KIRREL3: variants seen among roughly 807,000 people sequenced by gnomAD.
The protein encoded by KIRREL3 is kin of IRRE-like protein 3.
KIRREL3 carries 36 observed loss-of-function variants against 89.7 expected under a neutral mutation model. The ratio of observed to expected loss-of-function variants is 0.40; its 90% CI spans 0.31 to 0.53. The LOEUF (loss-of-function observed/expected upper bound fraction) is 0.53, where lower values mean the gene tolerates loss of function less well. Among genes scored for constraint, KIRREL3 ranks in the 20% least tolerant of loss-of-function variants. KIRREL3 has a pLI of 0.49. For missense variants in KIRREL3, 864 were observed against 1,056.6 expected, an observed-to-expected ratio of 0.82 and a Z score of 2.53; for synonymous variants, 445 against 441.4, an observed-to-expected ratio of 1.01 and a Z score of -0.10.
rs1591414360 is a variant in KIRREL3 at position 126,978,066 on chromosome 11, A to G, written c.55+22389T>C. 6.6e-6 allele frequency among the ~76,000 whole-genome samples: 1 copy of G among 152,266 alleles called. No individual in the cohort carries two copies. Among genetic ancestry groups the G allele is most frequent in the East Asian group, 1.9e-4 (1 of 5,176 alleles). ...TCCTTCTCCAGCACGGCAGCCCACC[A>G]AAAGTGCCTCCTTCCAAGCCTGTGG... On this transcript the variant is annotated intron_variant, in intron 1 of 16. Transcript: ENST00000525144. This position sits in a 1 kb window ranked among gnomAD's most constrained non-coding sequence, Gnocchi z 4.2.
At chr11:126,803,415 G>T (rs1013268114) in intron 1 of KIRREL3, among the ~76,000 whole-genome samples, 1 of 152,054 alleles carries the variant, frequency 6.6e-6, no homozygotes, top group East Asian at 1.9e-4. Context: ...TGAGGACTGG[G>T]TGTCAACAAA....
chr11:126,511,978 C>T (rs773350088), intron 4 of KIRREL3, among the ~76,000 whole-genome samples: 4 of 152,188 alleles, frequency 2.6e-5, no homozygotes, highest in Non-Finnish European at 5.9e-5. Flanking sequence ...GGGTTTGACA[C>T]CCAGGATGCC....
chr11:126,513,097 G>T lies in KIRREL3; in HGVS notation c.433+8218C>A, dbSNP rs1958278869. ...GTGACACACTCCAGAACTTCCCAGGGCTGCCCTGAAGAGCCTGTCTCTTGG... is the reference window on the plus strand; with the variant it reads ...GTGACACACTCCAGAACTTCCCAGGTCTGCCCTGAAGAGCCTGTCTCTTGG... On this transcript the variant is annotated intron_variant, in intron 4 of 16. Coordinates refer to ENST00000525144, the MANE Select transcript of KIRREL3 (RefSeq NM_032531.4). The surrounding 1 kb of genome is among the most constrained non-coding windows in gnomAD (Gnocchi z 5.9). 6.6e-6 allele frequency among the ~76,000 whole-genome samples: 1 copy of T among 152,104 alleles called. No homozygotes were observed. Among genetic ancestry groups the T allele is most frequent in the South Asian group, 2.1e-4 (1 of 4,826 alleles).
In KIRREL3 at chr11:126,754,537, T is replaced by C. The variant is rs1266530765; in HGVS notation, c.56-191625A>G. Among the ~76,000 whole-genome samples, 1 of 152,112 alleles carries C rather than the reference T, an allele frequency of 6.6e-6. No homozygotes were observed. The highest frequency in any genetic ancestry group is 2.1e-4 in the South Asian group (1 of 4,816). On this transcript the variant is annotated intron_variant, in intron 1 of 16. Transcript: ENST00000525144. This position sits in a 1 kb window ranked among gnomAD's most constrained non-coding sequence, Gnocchi z 5.1. ...CTTGGTTTAAGGCCTACAAACTGCA[T>C]GTCTTTGCTAGATACCGCTGAAGGG...
Position 126,609,678 on chromosome 11 carries a change from A to G in KIRREL3, c.56-46766T>C, listed in dbSNP as rs1943042061. On this transcript the variant is annotated intron_variant, in intron 1 of 16. Transcript: ENST00000525144. The surrounding 1 kb of genome is among the most constrained non-coding windows in gnomAD (Gnocchi z 5.0). ...TGGGGGTTCCGAACTTTGGCTGCAT[A>G]TTGGAATTATCTGAGATGTCTGAAA... Among the ~76,000 whole-genome samples, 1 of 152,136 alleles carries G rather than the reference A, an allele frequency of 6.6e-6. No individual in the cohort carries two copies. Among genetic ancestry groups the G allele is most frequent in the African/African-American group, 2.4e-5 (1 of 41,424 alleles).
chr11:126,662,934 T>C (rs1447900951), intron 1 of KIRREL3, among the ~76,000 whole-genome samples: 1 of 127,638 alleles, frequency 7.8e-6, no homozygotes, highest in African/African-American at 2.9e-5. Flanking sequence ...TTTTGCTCCA[T>C]CTCTCTGATT....
rs560256535 is a variant in KIRREL3, at chr11:126,432,489, C to G, written c.1589-963G>C. On this transcript the variant is annotated intron_variant, in intron 13 of 16. Transcript: ENST00000525144. The surrounding 1 kb of genome is among the most constrained non-coding windows in gnomAD (Gnocchi z 6.2). The stretch of plus-strand genomic sequence containing the variant: ...AGAGCTTGGGGCTCTCACTGAGGTC[C>G]GGAGAAGTCAAGTGATTTGGCCAAG... Among the ~76,000 whole-genome samples the G allele has an allele frequency of 6.6e-6, 1 of 152,054 alleles. No individual in the cohort carries two copies. Among genetic ancestry groups the G allele is most frequent in the Non-Finnish European group, 1.5e-5 (1 of 68,010 alleles).
rs1565715438 is a variant in KIRREL3 at position 126,768,175 on chromosome 11, ATCCATCC to A, written c.56-205270_56-205264del. Among the ~76,000 whole-genome samples, 3 of 39,960 alleles carry A rather than the reference ATCCATCC, an allele frequency of 7.5e-5. No individual in the cohort carries two copies. Among genetic ancestry groups the A allele is most frequent in the African/African-American group, 2.0e-4 (3 of 14,638 alleles). The allele number at this position is 39,960 out of a possible 152,430, so 26.2% of individuals were successfully genotyped here. On this transcript the variant is annotated intron_variant, in intron 1 of 16. Coordinates refer to ENST00000525144, the MANE Select transcript of KIRREL3 (RefSeq NM_032531.4). The surrounding 1 kb of genome is among the most constrained non-coding windows in gnomAD (Gnocchi z 4.5). Reference sequence around the variant, plus strand: ...ATCCATCCATCCATCCATCCAATCCATCCATCCATCCATCCATCCATCCATCCATCCA... The same window carrying A: ...ATCCATCCATCCATCCATCCAATCCAATCCATCCATCCATCCATCCATCCA...
chr11:126,806,557 A>T (rs1019579664), intron 1 of KIRREL3, among the ~76,000 whole-genome samples: 68 of 152,312 alleles, frequency 4.5e-4, no homozygotes, highest in African/African-American at 1.5e-3. Context: ...ATACTCCCTG[A>T]GTTGAACTCC....
Position 126,876,265 on chromosome 11 carries a change from C to T in KIRREL3, c.55+124190G>A, listed in dbSNP as rs897620686. On this transcript the variant is annotated intron_variant, in intron 1 of 16. Transcript: ENST00000525144. The surrounding 1 kb of genome is among the most constrained non-coding windows in gnomAD (Gnocchi z 4.1). ...GCGGCTGACCTGCAGAGGTGCTGTTCAGGAAGAAACAGATCTGCTGGAGGC... is the reference window on the plus strand; with the variant it reads ...GCGGCTGACCTGCAGAGGTGCTGTTTAGGAAGAAACAGATCTGCTGGAGGC... Among the ~76,000 whole-genome samples, 1 of 152,168 alleles carries T rather than the reference C, an allele frequency of 6.6e-6. No homozygotes were observed. The highest frequency in any genetic ancestry group is 1.5e-5 in the Non-Finnish European group (1 of 68,044).
At position 126,946,696 on chromosome 11, in the gene KIRREL3, T is replaced by C. The variant is rs1174718869; in HGVS notation, c.55+53759A>G. Among the ~76,000 whole-genome samples, 4 of 152,238 alleles carry C rather than the reference T, an allele frequency of 2.6e-5. No individual in the cohort carries two copies. Among genetic ancestry groups the C allele is most frequent in the Non-Finnish European group, 5.9e-5 (4 of 68,042 alleles). The stretch of plus-strand genomic sequence containing the variant: ...GGCTGCAAAAAATTCAATGCTTGGA[T>C]ATCCTAATAACAGGTGTAATAATAA... On this transcript the variant is annotated intron_variant, in intron 1 of 16. Transcript: ENST00000525144. This position sits in a 1 kb window ranked among gnomAD's most constrained non-coding sequence, Gnocchi z 4.1.
Position 126,455,367 on chromosome 11 carries a change from C to G in KIRREL3, c.848+982G>C, listed in dbSNP as rs1482689070. Among the ~76,000 whole-genome samples the G allele has an allele frequency of 6.6e-6, 1 of 152,234 alleles. No homozygotes were observed. The highest frequency in any genetic ancestry group is 1.5e-5 in the Non-Finnish European group (1 of 68,046). On this transcript the variant is annotated intron_variant, in intron 7 of 16. Transcript: ENST00000525144. The surrounding 1 kb of genome is among the most constrained non-coding windows in gnomAD (Gnocchi z 6.4). ...GGAAGCGTGTGTTTATTGGATCAGT[C>G]AGACACATCTAAGGAGCATGTGGTT...
chr11:126,539,161 T>C (rs1321182391), intron 2 of KIRREL3, among the ~76,000 whole-genome samples: 1 of 152,030 alleles, frequency 6.6e-6, no homozygotes, highest in Admixed American at 6.5e-5. Flanking sequence ...TCAATACTTG[T>C]TGAGTTGTTT....
In KIRREL3 at chr11:126,837,035, T is replaced by G. The variant is rs928293410; in HGVS notation, c.55+163420A>C. 6.8e-6 allele frequency among the ~76,000 whole-genome samples: 1 copy of G among 146,956 alleles called. No homozygotes were observed. Among genetic ancestry groups the G allele is most frequent in the South Asian group, 2.3e-4 (1 of 4,262 alleles). ...AGAAGATATTTGTTAAGTATTTTTT[T>G]GGGGGGCGGGGGGTTGAATGAATGA... On this transcript the variant is annotated intron_variant, in intron 1 of 16. Coordinates refer to ENST00000525144, the MANE Select transcript of KIRREL3 (RefSeq NM_032531.4). This position sits in a 1 kb window ranked among gnomAD's most constrained non-coding sequence, Gnocchi z 4.7.
chr11:126,446,285 C>CTCTCTCTCTTCCTTT lies in KIRREL3; in HGVS notation c.1125+473_1125+474insAAAGGAAGAGAGAGA, dbSNP rs111774154. 1.0e-3 allele frequency among the ~76,000 whole-genome samples: 150 copies of CTCTCTCTCTTCCTTT among 143,280 alleles called. 2 individuals carry two copies. Among genetic ancestry groups the CTCTCTCTCTTCCTTT allele is most frequent in the Non-Finnish European group, 1.4e-3 (92 of 65,668 alleles). 94.0% of individuals were successfully genotyped at this position (143,280 alleles called of 152,430 possible). A position where few individuals can be genotyped will look rare whatever the true frequency, so the allele number is the denominator to read the frequency against. On this transcript the variant is annotated intron_variant, in intron 9 of 16. Transcript: ENST00000525144. Reference sequence around the variant, plus strand: ...CTTTCTCTCTCTTTCTTTTCTTTCTCCTTTCTTTCTTTCTTTCTCTCTCTC... The same window carrying CTCTCTCTCTTCCTTT: ...CTTTCTCTCTCTTTCTTTTCTTTCTCTCTCTCTCTTCCTTTCTTTCTTTCTTTCTTTCTCTCTCTC...
In KIRREL3 at chr11:126,526,729, A is replaced by G. The variant is rs770757066; in HGVS notation, c.134-42T>C. ...CACAATGGTCAGTTATCTGCCGGCT[A>G]CAGGGGCGAGAAGGCTCCCCTCCAG... is the stretch of plus-strand genomic sequence containing the variant. On this transcript the variant is annotated intron_variant, in intron 2 of 16. Coordinates refer to ENST00000525144, the MANE Select transcript of KIRREL3 (RefSeq NM_032531.4). This position sits in a 1 kb window ranked among gnomAD's most constrained non-coding sequence, Gnocchi z 5.7. 1.5e-5 allele frequency: 23 copies of G among 1,538,210 alleles called. 1 individual carries two copies. In the East Asian group the frequency reaches 2.2e-4, roughly 15 times the overall value.
intron 1 of KIRREL3, among the ~76,000 whole-genome samples, chr11:126,984,006 T>C (rs1397021006): frequency 6.6e-6 from 1 of 152,110 alleles, no homozygotes; most frequent in Non-Finnish European, 1.5e-5. Context: ...ATGCCTTTTA[T>C]GGTATTAGAG....
At position 126,710,902 on chromosome 11, in the gene KIRREL3, G is replaced by A. The variant is rs1947729333; in HGVS notation, c.56-147990C>T. ...TTAAACTTTAATTAATGTCTTGACA[G>A]TAGTCTCAACCTGATAGGCCTCTTC... On this transcript the variant is annotated intron_variant, in intron 1 of 16. Transcript: ENST00000525144. This position sits in a 1 kb window ranked among gnomAD's most constrained non-coding sequence, Gnocchi z 4.2. Among the ~76,000 whole-genome samples the A allele has an allele frequency of 6.6e-6, 1 of 152,190 alleles. No individual in the cohort carries two copies. The highest frequency in any genetic ancestry group is 1.9e-4 in the East Asian group (1 of 5,198).
rs1239080016 is a variant in KIRREL3 at position 126,876,938 on chromosome 11, A to G, written c.55+123517T>C. Among the ~76,000 whole-genome samples the G allele has an allele frequency of 2.6e-5, 4 of 152,198 alleles. No homozygotes were observed. In the East Asian group the frequency reaches 5.8e-4, roughly 22 times the overall value. On this transcript the variant is annotated intron_variant, in intron 1 of 16. Transcript: ENST00000525144. The surrounding 1 kb of genome is among the most constrained non-coding windows in gnomAD (Gnocchi z 4.1). ...TAGATTGCAGAAACCTATAAGACAG[A>G]CTATCACTGAACTCATAAAAAAAGA...
Sources: gnomAD v4.1 joint callset for allele counts (sites outside exome capture counted in the v4.1 genomes callset) on GRCh38, gnomAD v4.1.1 for gene constraint, Gnocchi (gnomAD v3.1) non-coding constraint, MANE v1.5 for transcripts, NCBI Gene and HGNC (gene_info 2026-07-23, HGNC 2026-07-21) for gene names.